The following FBXL7 variants were observed in gnomAD, a reference collection of about 807,000 sequenced individuals.
The protein encoded by FBXL7 is F-box and leucine rich repeat protein 7.
FBXL7 carries 12 observed loss-of-function variants against 38.3 expected under a neutral mutation model. The observed-to-expected ratio is 0.31, with a 90% CI of 0.20 to 0.51. The LOEUF is 0.51. Among genes scored for constraint, FBXL7 ranks in the 20% least tolerant of loss-of-function variants. The pLI is 0.98. For missense variants in FBXL7, 567 were observed against 676.4 expected (o/e 0.84, Z 1.79); for synonymous variants, 297 against 300.9 (o/e 0.99, Z 0.13).
chr5:15,754,175 A>T (rs976304069), intron 2 of FBXL7, among the ~76,000 whole-genome samples: 3 of 152,154 alleles, frequency 2.0e-5, no homozygotes, highest in African/African-American at 7.2e-5. Flanking sequence ...ACTGGATTGG[A>T]TGATTTCTCT....
chr5:15,653,358 A>G (rs1741773272), intron 2 of FBXL7, among the ~76,000 whole-genome samples: 1 of 152,142 alleles, frequency 6.6e-6, no homozygotes, highest in African/African-American at 2.4e-5. Flanking sequence ...AAAATGAAGT[A>G]TTCTCTTATT....
chr5:15,892,435 C>G (rs563873854), intron 2 of FBXL7, among the ~76,000 whole-genome samples: 3 of 152,112 alleles, frequency 2.0e-5, no homozygotes, highest in Non-Finnish European at 4.4e-5. Flanking sequence ...GACAGATCCT[C>G]AGGGGTCTAC....
At chr5:15,591,839 T>A (rs1469827863) in intron 1 of FBXL7, among the ~76,000 whole-genome samples, 1 of 152,024 alleles carries the variant, frequency 6.6e-6, no homozygotes, top group Non-Finnish European at 1.5e-5. Flanking sequence ...GCCTCCTGAG[T>A]AGCTAGGACT....
At chr5:15,888,895 C>G (rs1214676461) in intron 2 of FBXL7, among the ~76,000 whole-genome samples, 1 of 151,574 alleles carries the variant, frequency 6.6e-6, no homozygotes, top group East Asian at 1.9e-4. Context: ...TTAGAAGAAC[C>G]AAAAAAAATC....
At chr5:15,558,105 T>G (rs1455515508) in intron 1 of FBXL7, among the ~76,000 whole-genome samples, 2 of 152,096 alleles carry the variant, frequency 1.3e-5, no homozygotes, top group Non-Finnish European at 2.9e-5. Context: ...ATGTAATGAA[T>G]ACCACTGGAT....
At chr5:15,829,890 G>C (rs1161568962) in intron 2 of FBXL7, among the ~76,000 whole-genome samples, 1 of 152,074 alleles carries the variant, frequency 6.6e-6, no homozygotes, top group Non-Finnish European at 1.5e-5. Flanking sequence ...ATTGCCTTCA[G>C]GTTTTCTGTC....
Position 15,578,316 on chromosome 5 carries a change from G to GA in FBXL7, c.38-37658dup, listed in dbSNP as rs557764061. On this transcript the variant is annotated intron_variant, in intron 1 of 3. Coordinates refer to ENST00000504595, the MANE Select transcript of FBXL7 (RefSeq NM_012304.5). ...TTGAGATGAGACATAGCAATGTATT[G>GA]AAAAAAAAATCCCCTTTCGGCAACA... Among the ~76,000 whole-genome samples the GA allele has an allele frequency of 2.9e-3, 444 of 151,022 alleles. 1 individual carries two copies. The highest frequency in any genetic ancestry group is 9.1e-3 in the African/African-American group (374 of 41,170).
intron 2 of FBXL7, among the ~76,000 whole-genome samples, chr5:15,630,632 G>A (rs1179369645): frequency 6.6e-6 from 1 of 152,048 alleles, no homozygotes; most frequent in Non-Finnish European, 1.5e-5. Context: ...TTTTGCAAGT[G>A]ATATTCTGTT....
At chr5:15,621,908 T>C (rs1294913079) in intron 2 of FBXL7, among the ~76,000 whole-genome samples, 2 of 152,366 alleles carry the variant, frequency 1.3e-5, no homozygotes, top group Admixed American at 6.5e-5. Flanking sequence ...ACACTCATTT[T>C]TTTTTACATT....
chr5:15,548,851 A>C (rs142484962), intron 1 of FBXL7, among the ~76,000 whole-genome samples: 1 of 152,344 alleles, frequency 6.6e-6, no homozygotes, highest in African/African-American at 2.4e-5. Context: ...TTTACATAAG[A>C]TAACAGAGGA....
intron 2 of FBXL7, among the ~76,000 whole-genome samples, chr5:15,875,454 G>C (rs1260286425): frequency 6.6e-6 from 1 of 152,158 alleles, no homozygotes; most frequent in Non-Finnish European, 1.5e-5. Context: ...ACTATCATCA[G>C]AGTGAACAGG....
Position 15,620,584 on chromosome 5 carries a change from G to A in FBXL7, c.127+4512G>A, listed in dbSNP as rs148283174. Among the ~76,000 whole-genome samples the A allele has an allele frequency of 6.6e-4, 101 of 152,122 alleles. 2 individuals are homozygous for A. Among genetic ancestry groups the A allele is most frequent in the African/African-American group, 2.3e-3 (96 of 41,494 alleles). ...TTCTTTGAAAATGCTTCTTGCAACT[G>A]TGGGGAGAGATCGGGCCAGCAGACC... On this transcript the variant is annotated intron_variant, in intron 2 of 3. Transcript: ENST00000504595.
chr5:15,918,160 A>C (rs1741648637), intron 2 of FBXL7, among the ~76,000 whole-genome samples: 2 of 152,000 alleles, frequency 1.3e-5, no homozygotes, highest in African/African-American at 4.8e-5. Flanking sequence ...AATCACTAGA[A>C]CCTGGGAGGC....
At chr5:15,580,361 G>A (rs1739098388) in intron 1 of FBXL7, among the ~76,000 whole-genome samples, 1 of 152,136 alleles carries the variant, frequency 6.6e-6, no homozygotes, top group Non-Finnish European at 1.5e-5. Flanking sequence ...AAATAAAGAG[G>A]CAAGTTAGAA....
chr5:15,574,730 C>A (rs2126458097), intron 1 of FBXL7, among the ~76,000 whole-genome samples: 1 of 152,132 alleles, frequency 6.6e-6, no homozygotes, highest in African/African-American at 2.4e-5. Context: ...TGAGTATTAC[C>A]CTTGGGCTTT....
chr5:15,916,424 G>A (rs1741586242), intron 2 of FBXL7, among the ~76,000 whole-genome samples: 1 of 152,152 alleles, frequency 6.6e-6, no homozygotes, highest in Non-Finnish European at 1.5e-5. Context: ...TAGCTTATAG[G>A]CAATTGCTGA....
At chr5:15,670,057 T>C (rs1183023392) in intron 2 of FBXL7, among the ~76,000 whole-genome samples, 1 of 152,188 alleles carries the variant, frequency 6.6e-6, no homozygotes. Flanking sequence ...CAAGATAGTA[T>C]GTAGCAGATG....
chr5:15,723,132 A>C (rs2126654599), intron 2 of FBXL7, among the ~76,000 whole-genome samples: 1 of 152,264 alleles, frequency 6.6e-6, no homozygotes, highest in South Asian at 2.1e-4. Context: ...ATTTTTGCTG[A>C]GTCTTGTATG....
intron 1 of FBXL7, among the ~76,000 whole-genome samples, chr5:15,566,018 G>A (rs931245793): frequency 1.6e-4 from 24 of 151,984 alleles, no homozygotes; most frequent in African/African-American, 5.6e-4. Context: ...ATCATCACAC[G>A]TGTAAAACTT....
Sources: gnomAD v4.1 joint callset for allele counts (sites outside exome capture counted in the v4.1 genomes callset) on GRCh38, gnomAD v4.1.1 for gene constraint, MANE v1.5 for transcripts, NCBI Gene and HGNC (gene_info 2026-07-23, HGNC 2026-07-21) for gene names.